The following SMAD3 variants were observed in gnomAD, a reference collection of about 807,000 sequenced individuals.
SMAD3 encodes MAD homolog 3.
SMAD3 carries 12 observed loss-of-function variants against 51.8 expected under a neutral mutation model. That is an observed-to-expected ratio of 0.23 (90% CI 0.15 to 0.38). The LOEUF is 0.38. Ranked by LOEUF, SMAD3 falls within the 10% of genes least tolerant of loss-of-function variation. The pLI is 1.00. For missense variants in SMAD3, 294 were observed against 565.6 expected (o/e 0.52, Z 4.87); for synonymous variants, 238 against 227.7 (o/e 1.05, Z -0.41).
chr15:67,134,281 G>A (rs570278145), intron 1 of SMAD3, among the ~76,000 whole-genome samples: 2 of 152,254 alleles, frequency 1.3e-5, no homozygotes, highest in African/African-American at 4.8e-5. Context: ...GTTAATGAGT[G>A]GTGAATGTGT....
At chr15:67,097,485 T>C (rs1025832654) in intron 1 of SMAD3, among the ~76,000 whole-genome samples, 3 of 152,190 alleles carry the variant, frequency 2.0e-5, no homozygotes, top group South Asian at 2.1e-4. Flanking sequence ...GCTCAGGCTA[T>C]CTGCCTGCCT....
At chr15:67,144,164 T>G (rs1961910803) in intron 1 of SMAD3, among the ~76,000 whole-genome samples, 1 of 152,206 alleles carries the variant, frequency 6.6e-6, no homozygotes, top group Non-Finnish European at 1.5e-5. Flanking sequence ...GTTTGCCTGC[T>G]GCCCCCATCC....
chr15:67,069,993 C>T (rs993302800), intron 1 of SMAD3, among the ~76,000 whole-genome samples: 4 of 152,088 alleles, frequency 2.6e-5, no homozygotes, highest in Admixed American at 6.5e-5. Flanking sequence ...CGTGAGCCAC[C>T]GCGCCTCACC....
At chr15:67,179,978 C>T (rs974987012) in intron 5 of SMAD3, among the ~76,000 whole-genome samples, 2 of 152,168 alleles carry the variant, frequency 1.3e-5, no homozygotes, top group African/African-American at 4.8e-5. Flanking sequence ...GTAACTGCGT[C>T]GCTTCGGGTA....
At chr15:67,112,154 C>CTTTGTTTTTTTT (rs1555408217) in intron 1 of SMAD3, among the ~76,000 whole-genome samples, 1 of 90,426 alleles carries the variant, frequency 1.1e-5, no homozygotes, top group Non-Finnish European at 1.9e-5. Flanking sequence ...TTTTTCTTTC[C>CTTTGTTTTTTTT]TTTTTTTTTT....
chr15:67,145,382 G>C (rs1480121806), intron 1 of SMAD3, among the ~76,000 whole-genome samples: 3 of 152,144 alleles, frequency 2.0e-5, no homozygotes, highest in Non-Finnish European at 4.4e-5. Context: ...ATAGACCTGG[G>C]AAAGAGATTG....
intron 1 of SMAD3, among the ~76,000 whole-genome samples, chr15:67,084,429 C>T (rs1960346605): frequency 6.6e-6 from 1 of 152,084 alleles, no homozygotes; most frequent in Middle Eastern, 3.2e-3. Context: ...GGCTTCTTGC[C>T]TTTGGCTGTT....
chr15:67,072,281 C>T (rs1960072131), intron 1 of SMAD3, among the ~76,000 whole-genome samples: 1 of 152,190 alleles, frequency 6.6e-6, no homozygotes, highest in African/African-American at 2.4e-5. Flanking sequence ...CCATTTGATG[C>T]ACAGTACAGC....
chr15:67,108,619 T>C (rs1435782147), intron 1 of SMAD3, among the ~76,000 whole-genome samples: 2 of 152,138 alleles, frequency 1.3e-5, no homozygotes, highest in Non-Finnish European at 2.9e-5. Flanking sequence ...CTTCTCACAG[T>C]CCCAGGCAGT....
At chr15:67,165,190 G>A (rs1177551553) in intron 2 of SMAD3, 63 bp from the exon 3 acceptor site, 18 of 1,613,170 alleles carry the variant, frequency 1.1e-5, no homozygotes, top group African/African-American at 5.3e-5. Flanking sequence ...TTGGGGGTGC[G>A]GGGACTTTGG....
At chr15:67,120,306 G>A (rs1961230405) in intron 1 of SMAD3, among the ~76,000 whole-genome samples, 1 of 152,230 alleles carries the variant, frequency 6.6e-6, no homozygotes, top group African/African-American at 2.4e-5. Flanking sequence ...GCCTGTGGCA[G>A]CTCAGGCAGC....
intron 1 of SMAD3, among the ~76,000 whole-genome samples, chr15:67,156,911 G>A (rs1462510637): frequency 6.6e-6 from 1 of 152,200 alleles, no homozygotes; most frequent in Non-Finnish European, 1.5e-5. Context: ...CATTCCACTG[G>A]CCAATGCAAG....
chr15:67,141,721 T>C (rs1961827515), intron 1 of SMAD3, among the ~76,000 whole-genome samples: 1 of 152,088 alleles, frequency 6.6e-6, no homozygotes, highest in Non-Finnish European at 1.5e-5. Flanking sequence ...CTGTGAGCTG[T>C]TTTTCATTAC....
At chr15:67,181,093 G>A (rs1470194298) in intron 5 of SMAD3, 148 bp from the exon 6 acceptor site, 7 of 701,000 alleles carry the variant, frequency 1.0e-5, no homozygotes, top group African/African-American at 1.8e-5. Context: ...GCTCTTGCCA[G>A]TTTTATACGA....
chr15:67,116,702 G>A (rs893501421), intron 1 of SMAD3, among the ~76,000 whole-genome samples: 1 of 152,210 alleles, frequency 6.6e-6, no homozygotes, highest in East Asian at 1.9e-4. Context: ...TGGGCACAGT[G>A]AAGGAGAGTC....
intron 4 of SMAD3, among the ~76,000 whole-genome samples, chr15:67,168,004 C>T (rs1016087016): frequency 7.2e-5 from 11 of 152,206 alleles, no homozygotes; most frequent in Admixed American, 1.3e-4. Context: ...CCCAGGCTGG[C>T]GTGTAGTAGC....
chr15:67,070,642 T>A (rs1960031862), intron 1 of SMAD3, among the ~76,000 whole-genome samples: 1 of 150,882 alleles, frequency 6.6e-6, no homozygotes, highest in African/African-American at 2.4e-5. Context: ...CTCTTTCTCA[T>A]TCCCAGCTAC....
rs542587127 is a variant in SMAD3 at position 67,088,736 on chromosome 15, G to T, written c.206+22376G>T. Among the ~76,000 whole-genome samples the T allele has an allele frequency of 2.0e-5, 3 of 152,296 alleles. No homozygotes were observed. The East Asian group carries it at 5.8e-4, about 29-fold the overall frequency. On this transcript the variant is annotated intron_variant, in intron 1 of 8. Coordinates refer to ENST00000327367, the MANE Select transcript of SMAD3 (RefSeq NM_005902.4). ...GAGGTCAGGAGTTCGAGACCAGCCC[G>T]ACCAATATGGTGAAACCCTGCCTCT...
At position 67,165,307 on chromosome 15, in the gene SMAD3, C is replaced by A. The variant is rs375574124; in HGVS notation, c.455C>A (p.Pro152Gln). 8.7e-6 allele frequency: 14 copies of A among 1,614,098 alleles called. No individual in the cohort carries two copies. Among genetic ancestry groups the A allele is most frequent in the Non-Finnish European group, 1.1e-5 (13 of 1,180,038 alleles). ...ACAGAGATCCCGGCCGAGTTCCCCCCACTGGACGACTACAGCCATTCCATC... is the reference window on the plus strand; with the variant it reads ...ACAGAGATCCCGGCCGAGTTCCCCCAACTGGACGACTACAGCCATTCCATC... ...RHTEIPAEFP[P>Q]LDDYSHSIPE... Residue 152 changes from proline to glutamine, a missense_variant, in exon 3 of 9, where the codon CCA (proline) becomes CAA (glutamine). Physicochemically the swap from Pro to Gln is moderately conservative, Grantham distance 76 (BLOSUM62 -1). Transcript: ENST00000327367.
Sources: allele counts gnomAD v4.1 joint callset (sites outside exome capture counted in the v4.1 genomes callset), GRCh38; gene constraint gnomAD v4.1.1; transcripts MANE v1.5; gene names NCBI Gene and HGNC (gene_info 2026-07-23, HGNC 2026-07-21).